Variants in FAM177B observed in about 807,000 individuals in gnomAD.
FAM177B encodes the protein family with sequence similarity 177 member B.
In FAM177B, 16 loss-of-function variants were observed where a neutral mutation model predicts 16.1. That is an observed-to-expected ratio of 0.99 (90% CI 0.67 to 1.51). The LOEUF is 1.51. Ranked by LOEUF, FAM177B falls within the 40% of genes most tolerant of loss-of-function variation. The pLI, the probability that FAM177B is intolerant of heterozygous loss-of-function variation, is 0.00. For synonymous variants in FAM177B, 56 were observed against 59.9 expected (o/e 0.93, Z 0.30); for missense variants, 178 against 183.7 (o/e 0.97, Z 0.18).
intron 2 of FAM177B, among the ~76,000 whole-genome samples, chr1:222,738,581 A>AAAAAAGAG (rs1658389006): frequency 6.6e-6 from 1 of 150,400 alleles, no homozygotes; most frequent in African/African-American, 2.4e-5. Context: ...AAAAAAAAAA[A>AAAAAAGAG]GGCTGGGCGT....
At chr1:222,744,924 T>G (rs1407068702) in intron 2 of FAM177B, among the ~76,000 whole-genome samples, 1 of 152,210 alleles carries the variant, frequency 6.6e-6, no homozygotes, top group South Asian at 2.1e-4. Context: ...AAAGCTCCCT[T>G]TGTCACTTTA....
At chr1:222,741,704 T>TTTCCTTCC (rs113669359) in intron 2 of FAM177B, among the ~76,000 whole-genome samples, 1 of 150,964 alleles carries the variant, frequency 6.6e-6, no homozygotes, top group South Asian at 2.1e-4. Context: ...AACTCTCTCT[T>TTTCCTTCC]TTCCTTCCTT....
intron 2 of FAM177B, 96 bp from the exon 3 acceptor site, chr1:222,746,435 C>T: frequency 3.1e-6 from 2 of 647,734 alleles, no homozygotes; most frequent in South Asian, 2.3e-5. Context: ...GTGTGATTAC[C>T]TCTGAGTTCT....
At position 222,746,660 on chromosome 1, in the gene FAM177B, A is replaced by C. The variant is rs752994188; in HGVS notation, c.115A>C (p.Thr39Pro). 2.5e-6 allele frequency: 4 copies of C among 1,613,928 alleles called. No individual in the cohort carries two copies. In the Admixed American group the frequency reaches 6.7e-5, roughly 27 times the overall value. ...CGGAGACATCATGGAAGAATATAGC[A>C]CAGAGGAGGAGGAGGAAGAGGAAAA... is the stretch of plus-strand genomic sequence containing the variant. ...VDGDIMEEYS[T>P]EEEEEEEKEE... The change falls in exon 3 of 6, where the codon ACA (threonine) becomes CCA (proline). Residue 39 changes from threonine (T) to proline (P), a missense_variant. Physicochemically the swap from Thr to Pro is conservative, Grantham distance 38 (BLOSUM62 -1). Transcript: ENST00000445590.
intron 2 of FAM177B, among the ~76,000 whole-genome samples, chr1:222,740,988 C>T (rs1474907276): frequency 2.6e-5 from 4 of 151,730 alleles, no homozygotes; most frequent in East Asian, 3.9e-4. Context: ...TGTGAGCCAC[C>T]GCGCCCGGGT....
rs1558249582 is a variant in FAM177B at position 222,746,671 on chromosome 1, G to A, written c.126G>A (p.Glu42=). 5 of 1,613,798 alleles carry A rather than the reference G, an allele frequency of 3.1e-6. No homozygotes were observed. Among genetic ancestry groups the A allele is most frequent in the Non-Finnish European group, 4.2e-6 (5 of 1,179,742 alleles). The change falls in exon 3 of 6, where the codon GAG becomes GAA. Residue 42 remains glutamate (E), a synonymous_variant. Transcript: ENST00000445590. ...DIMEEYSTEE[E]EEEEKEEQST... ...TGGAAGAATATAGCACAGAGGAGGAGGAGGAAGAGGAAAAGGAGGAGCAGA... is the reference window on the plus strand; with the variant it reads ...TGGAAGAATATAGCACAGAGGAGGAAGAGGAAGAGGAAAAGGAGGAGCAGA...
Position 222,746,711 on chromosome 1 carries a change from C to A in FAM177B, c.166C>A (p.Leu56Ile). Residue 56 changes from leucine (L) to isoleucine (I), a missense_variant, in exon 3 of 6, where the codon CTT (leucine) becomes ATT (isoleucine). Leu to Ile is a conservative substitution (Grantham distance 5). Coordinates refer to ENST00000445590, the MANE Select transcript of FAM177B (RefSeq NM_001394345.1). ...GGAGGAGCAGAGCACAAATTCAACA[C>A]TTGACCCTGTAAGCTTAGTATATCA... ...EKEEQSTNST[L>I]DPSKLSWGPY... The A allele has an allele frequency of 6.2e-7, 1 of 1,608,836 alleles. No homozygotes were observed. The highest frequency in any genetic ancestry group is 1.1e-5 in the South Asian group (1 of 90,404).
At chr1:222,741,928 C>CTCTCTT (rs1553304203) in intron 2 of FAM177B, among the ~76,000 whole-genome samples, 2 of 84,742 alleles carry the variant, frequency 2.4e-5, no homozygotes, top group East Asian at 7.7e-4. Flanking sequence ...CTCTCTCTCT[C>CTCTCTT]TCTTTCTTTC....
intron 2 of FAM177B, among the ~76,000 whole-genome samples, chr1:222,745,782 G>A (rs1279108326): frequency 6.6e-6 from 1 of 152,072 alleles, no homozygotes; most frequent in Non-Finnish European, 1.5e-5. Flanking sequence ...AATTATCCAG[G>A]CGGTGCCTGT....
Position 222,749,978 on chromosome 1 carries a change from A to G in FAM177B, c.397A>G (p.Asn133Asp). 1 of 1,614,072 alleles carries G rather than the reference A, an allele frequency of 6.2e-7. No homozygotes were observed. Residue 133 changes from asparagine (N) to aspartate (D), a missense_variant, in exon 6 of 6, where the codon AAT (asparagine) becomes GAT (aspartate). Asn to Asp is a conservative substitution (Grantham distance 23, BLOSUM62 1). Transcript: ENST00000445590. ...AAAGGCCCAGGCAGCTGAGGTTCCT[A>G]ATGAAAAGTGTCACTTGGAGGCTGG... is the stretch of plus-strand genomic sequence containing the variant. The part of the protein sequence containing the change: ...GSKAQAAEVP[N>D]EKCHLEAGVQ...
chr1:222,749,926 T>A lies in FAM177B; in HGVS notation c.345T>A (p.Ser115Arg). Residue 115 changes from serine to arginine, a missense_variant, in exon 6 of 6, where the codon AGT (serine) becomes AGA (arginine). Transcript: ENST00000445590. ...NEFYRIQNKK[S>R]DNKSERRGSK... ...CTTATTTCTCTCCAAAACAGAAAAG[T>A]GACAACAAAAGTGAAAGGAGAGGAT... 6.2e-7 allele frequency: 1 copy of A among 1,614,036 alleles called. No homozygotes were observed.
intron 5 of FAM177B, 62 bp from the exon 6 acceptor site, chr1:222,749,859 A>G: frequency 6.5e-7 from 1 of 1,539,774 alleles, no homozygotes; most frequent in Non-Finnish European, 9.0e-7. Context: ...TATATACAAG[A>G]GGGGGAGTTC....
intron 4 of FAM177B, among the ~76,000 whole-genome samples, chr1:222,748,718 A>G (rs1658911675): frequency 6.6e-6 from 1 of 152,218 alleles, no homozygotes; most frequent in African/African-American, 2.4e-5. Context: ...TAAACAGGAC[A>G]AAGAGATAGC....
intron 2 of FAM177B, among the ~76,000 whole-genome samples, chr1:222,742,925 A>T (rs1046305792): frequency 1.5e-4 from 23 of 152,106 alleles, no homozygotes; most frequent in Non-Finnish European, 2.6e-4. Flanking sequence ...CGGTTTTTCC[A>T]TGACTTTTAA....
chr1:222,746,557 C>T lies in FAM177B; in HGVS notation c.12C>T (p.Asp4=), dbSNP rs141453662. The T allele has an allele frequency of 5.7e-3, 9,055 of 1,596,890 alleles. 47 individuals are homozygous for T. Among genetic ancestry groups the T allele is most frequent in the Non-Finnish European group, 6.9e-3 (8,050 of 1,168,852 alleles). Residue 4 remains aspartate, a synonymous_variant, in exon 3 of 6, where the codon GAC becomes GAT. Transcript: ENST00000445590. MEI[D]GFQQLDLEKS... The stretch of plus-strand genomic sequence containing the variant: ...TGTTTTGTTTCATTATGGAGATTGA[C>T]GGTTTCCAGCAGTTAGACCTAGAGA...
At chr1:222,741,075 T>TG (rs1309876872) in intron 2 of FAM177B, among the ~76,000 whole-genome samples, 1 of 145,316 alleles carries the variant, frequency 6.9e-6, no homozygotes, top group Non-Finnish European at 1.5e-5. Context: ...TTTTTTTTTT[T>TG]TTTGAGACAG....
intron 2 of FAM177B, among the ~76,000 whole-genome samples, chr1:222,738,564 CAA>C (rs71175182): frequency 1.3e-4 from 8 of 61,842 alleles, no homozygotes; most frequent in African/African-American, 2.7e-4. Flanking sequence ...ACAAAAACTG[CAA>C]AAAAAAAAAA....
intron 2 of FAM177B, among the ~76,000 whole-genome samples, chr1:222,740,735 T>C (rs1293230963): frequency 6.6e-6 from 1 of 152,222 alleles, no homozygotes; most frequent in African/African-American, 2.4e-5. Context: ...AGTCTCGCTC[T>C]GTCACCCAGG....
chr1:222,749,930 A>C lies in FAM177B; in HGVS notation c.349A>C (p.Asn117His), dbSNP rs1359694028. The C allele has an allele frequency of 6.2e-7, 1 of 1,614,024 alleles. No individual in the cohort carries two copies. Among genetic ancestry groups the C allele is most frequent in the Admixed American group, 1.7e-5 (1 of 60,002 alleles). ...TTTCTCTCCAAAACAGAAAAGTGAC[A>C]ACAAAAGTGAAAGGAGAGGATCAAA... ...FYRIQNKKSD[N>H]KSERRGSKAQ... Residue 117 changes from asparagine (N) to histidine (H), a missense_variant, in exon 6 of 6, where the codon AAC becomes CAC. By Grantham distance (68) the Asn-to-His change is moderately conservative (BLOSUM62 1). Coordinates refer to ENST00000445590, the MANE Select transcript of FAM177B (RefSeq NM_001394345.1).
Sources: allele counts gnomAD v4.1 joint callset (sites outside exome capture counted in the v4.1 genomes callset), GRCh38; gene constraint gnomAD v4.1.1; transcripts MANE v1.5; gene names NCBI Gene and HGNC (gene_info 2026-07-23, HGNC 2026-07-21).